Variants in EXD1 observed in about 807,000 individuals in gnomAD.
The protein encoded by EXD1 is piRNA biogenesis protein EXD1.
In EXD1, 63 loss-of-function variants were observed where a neutral mutation model predicts 49.1. The observed-to-expected ratio is 1.28, with a 90% CI of 1.05 to 1.58. The LOEUF (loss-of-function observed/expected upper bound fraction) is 1.58. Among genes scored for constraint, EXD1 ranks in the 40% most tolerant of loss-of-function variants. EXD1 has a pLI of 0.00. For missense variants in EXD1, 748 were observed against 666.0 expected, an observed-to-expected ratio of 1.12 and a Z score of -1.36; for synonymous variants, 234 against 239.2, an observed-to-expected ratio of 0.98 and a Z score of 0.20.
chr15:41,212,544 A>G (rs2046938107), intron 6 of EXD1, among the ~76,000 whole-genome samples: 1 of 152,218 alleles, frequency 6.6e-6, no homozygotes, highest in Non-Finnish European at 1.5e-5. Context: ...CGTTCCTCAA[A>G]AAAGTTAAAC....
At chr15:41,229,024 G>A (rs559395560) in intron 1 of EXD1, among the ~76,000 whole-genome samples, 52 of 152,310 alleles carry the variant, frequency 3.4e-4, no homozygotes, top group African/African-American at 1.1e-3. Flanking sequence ...GGCTGACTGA[G>A]AAAAGGGACA....
intron 6 of EXD1, among the ~76,000 whole-genome samples, chr15:41,214,418 C>T (rs1360714923): frequency 6.6e-6 from 1 of 151,260 alleles, no homozygotes; most frequent in Non-Finnish European, 1.5e-5. Flanking sequence ...GAGGCTGAGC[C>T]AGGAGAATCG....
At position 41,216,783 on chromosome 15, in the gene EXD1, T is replaced by G; in HGVS notation, c.273A>C (p.Glu91Asp). Reference sequence around the variant, plus strand: ...CTTTCATTTTCTCCATCCAGGTTCTTTCTGCATGTAGACTATCCTTACAAG... The same window carrying G: ...CTTTCATTTTCTCCATCCAGGTTCTGTCTGCATGTAGACTATCCTTACAAG... ...AKASSVSLHA[E>D]RTWMEKMKVE... is the part of the protein sequence containing the mutation. The change falls in exon 5 of 12, where the codon GAA becomes GAC. Residue 91 changes from glutamate to aspartate, a missense_variant. Glu to Asp is a conservative substitution (Grantham distance 45). Coordinates refer to ENST00000458580, the MANE Select transcript of EXD1 (RefSeq NM_001286441.2). The G allele has an allele frequency of 6.2e-7, 1 of 1,613,730 alleles. No individual in the cohort carries two copies. Among genetic ancestry groups the G allele is most frequent in the Non-Finnish European group, 8.5e-7 (1 of 1,180,020 alleles).
rs1198786300 is a variant in EXD1, at chr15:41,182,906, A to G, written c.*1025T>C. 1.3e-5 allele frequency: 2 copies of G among 152,356 alleles called. No homozygotes were observed. Among genetic ancestry groups the G allele is most frequent in the East Asian group, 3.9e-4 (2 of 5,192 alleles). 9.4% of individuals were successfully genotyped at this position (152,356 alleles called of 1,614,324 possible). A position where few individuals can be genotyped will look rare whatever the true frequency, so the allele number is the denominator to read the frequency against. Reference sequence around the variant, plus strand: ...GAGTCAGGCTTCAAGTTTATATAACAGACAGACTAAAAAGAAACCCAGGGT... The same window carrying G: ...GAGTCAGGCTTCAAGTTTATATAACGGACAGACTAAAAAGAAACCCAGGGT... On this transcript the variant is annotated 3_prime_UTR_variant, in exon 12 of 12. Coordinates refer to ENST00000458580, the MANE Select transcript of EXD1 (RefSeq NM_001286441.2).
rs772212655 is a variant in EXD1, at chr15:41,191,577, A to G, written c.729T>C (p.Asp243=). The G allele has an allele frequency of 2.5e-6, 4 of 1,613,928 alleles. No homozygotes were observed. The highest frequency in any genetic ancestry group is 1.7e-5 in the Admixed American group (1 of 59,940). Residue 243 remains aspartate, a synonymous_variant, in exon 10 of 12, where the codon GAT becomes GAC. Transcript: ENST00000458580. ...CCGTTTCCATGGAAAACTGAAGTAC[A>G]TCTGCTACCTGTGGTATTTTAAAAA... ...LNNVFDTQVA[D]VLQFSMETGG...
intron 9 of EXD1, among the ~76,000 whole-genome samples, chr15:41,192,611 T>G (rs1454154504): frequency 2.7e-4 from 27 of 99,104 alleles, no homozygotes; most frequent in African/African-American, 1.1e-3. Context: ...TTTTTTTTTT[T>G]TTTTTTTTTT....
intron 6 of EXD1, among the ~76,000 whole-genome samples, chr15:41,213,725 G>A (rs753709962): frequency 3.3e-5 from 5 of 152,088 alleles, no homozygotes; most frequent in South Asian, 2.1e-4. Context: ...TTTAGTGGTT[G>A]CCAAGGGCTG....
At chr15:41,220,635 G>A (rs1245764063) in intron 2 of EXD1, among the ~76,000 whole-genome samples, 1 of 152,094 alleles carries the variant, frequency 6.6e-6, no homozygotes, top group African/African-American at 2.4e-5. Flanking sequence ...CAAGGACAAC[G>A]ATCCAAATCC....
intron 7 of EXD1, among the ~76,000 whole-genome samples, chr15:41,198,124 AT>A (rs2046644810): frequency 6.6e-6 from 1 of 152,192 alleles, no homozygotes. Flanking sequence ...ATTTCCTGAA[AT>A]ATAGCTCCTA....
chr15:41,196,408 CT>C (rs1460556346), intron 7 of EXD1, among the ~76,000 whole-genome samples: 1 of 151,068 alleles, frequency 6.6e-6, no homozygotes, highest in African/African-American at 2.4e-5. Context: ...CCTCTGCCTC[CT>C]GGGTTCAAGC....
intron 2 of EXD1, among the ~76,000 whole-genome samples, chr15:41,225,429 A>G (rs55756301): frequency 0.29 from 44,190 of 151,782 alleles, 9,013 homozygotes; most frequent in African/African-American, 0.58. Flanking sequence ...TACTAAAAAT[A>G]CAAAAATTAG....
At chr15:41,186,277 G>C (rs1243543980) in intron 11 of EXD1, among the ~76,000 whole-genome samples, 8 of 151,962 alleles carry the variant, frequency 5.3e-5, no homozygotes, top group Admixed American at 6.6e-5. Context: ...TTCCAGACCA[G>C]TCTGACCAAC....
chr15:41,216,752 C>T lies in EXD1; in HGVS notation c.304G>A (p.Asp102Asn). ...GAAGCAGGCTCACATACATTTAGGTCTTCAACTTTCATTTTCTCCATCCAG... is the reference window on the plus strand; with the variant it reads ...GAAGCAGGCTCACATACATTTAGGTTTTCAACTTTCATTTTCTCCATCCAG... Reference protein sequence around the residue: ...RTWMEKMKVEDLNVCEPASPA... With the variant: ...RTWMEKMKVENLNVCEPASPA... The change falls in exon 5 of 12, where the codon GAC becomes AAC. Residue 102 changes from aspartate (D) to asparagine (N), a missense_variant. Coordinates refer to ENST00000458580, the MANE Select transcript of EXD1 (RefSeq NM_001286441.2). The T allele has an allele frequency of 6.2e-7, 1 of 1,613,848 alleles. No homozygotes were observed. Among genetic ancestry groups the T allele is most frequent in the Non-Finnish European group, 8.5e-7 (1 of 1,180,022 alleles).
intron 7 of EXD1, among the ~76,000 whole-genome samples, chr15:41,201,963 G>T (rs1027476611): frequency 1.3e-5 from 2 of 151,728 alleles, no homozygotes; most frequent in African/African-American, 4.8e-5. Context: ...GACTAGCTGG[G>T]GCAACAAAGC....
intron 6 of EXD1, among the ~76,000 whole-genome samples, chr15:41,213,689 G>C (rs1046621035): frequency 5.9e-5 from 9 of 152,056 alleles, no homozygotes; most frequent in African/African-American, 1.9e-4. Context: ...AGTAGAGATG[G>C]GGTTTTGCCA....
chr15:41,223,825 A>G (rs1426765454), intron 2 of EXD1, among the ~76,000 whole-genome samples: 1 of 151,756 alleles, frequency 6.6e-6, no homozygotes, highest in East Asian at 1.9e-4. Context: ...AGATTGCACC[A>G]CTGCACTCCA....
intron 3 of EXD1, among the ~76,000 whole-genome samples, chr15:41,218,788 T>C (rs2047043832): frequency 6.6e-6 from 1 of 152,196 alleles, no homozygotes; most frequent in Non-Finnish European, 1.5e-5. Context: ...CATGACAGCA[T>C]ACTCAATGAG....
In EXD1 at chr15:41,183,734, A is replaced by T. The variant is rs955054595; in HGVS notation, c.*197T>A. 4 of 508,098 alleles carry T rather than the reference A, an allele frequency of 7.9e-6. No homozygotes were observed. The Admixed American group carries it at 1.5e-4, about 19-fold the overall frequency. The allele number at this position is 508,098 out of a possible 1,614,324, so 31.5% of individuals were successfully genotyped here. A position where few individuals can be genotyped will look rare whatever the true frequency, so the allele number is the denominator to read the frequency against. On this transcript the variant is annotated 3_prime_UTR_variant, in exon 12 of 12. Coordinates refer to ENST00000458580, the MANE Select transcript of EXD1 (RefSeq NM_001286441.2). ...CTACACAGTGACATAATCAGAAATT[A>T]TACTTCTTCCATTATTTAACTTATT... is the stretch of plus-strand genomic sequence containing the variant.
At chr15:41,191,807 C>T (rs1398484182) in intron 9 of EXD1, among the ~76,000 whole-genome samples, 1 of 151,322 alleles carries the variant, frequency 6.6e-6, no homozygotes, top group Non-Finnish European at 1.5e-5. Flanking sequence ...GGTGGAGTCT[C>T]GCTCTGTCGC....
Sources: allele counts gnomAD v4.1 joint callset (sites outside exome capture counted in the v4.1 genomes callset), GRCh38; gene constraint gnomAD v4.1.1; transcripts MANE v1.5; gene names NCBI Gene and HGNC (gene_info 2026-07-23, HGNC 2026-07-21).